Variants in PMFBP1 observed in about 807,000 individuals in gnomAD.
The protein encoded by PMFBP1 is polyamine-modulated factor 1-binding protein 1.
In PMFBP1, 131 loss-of-function variants were observed where a neutral mutation model predicts 137.8. The ratio of observed to expected loss-of-function variants is 0.95; its 90% CI spans 0.82 to 1.10. The LOEUF (loss-of-function observed/expected upper bound fraction) is 1.10. Ranked by LOEUF, PMFBP1 falls within the 50% of genes least tolerant of loss-of-function variation. The pLI, the probability that PMFBP1 is intolerant of heterozygous loss-of-function variation, is 0.00. For missense variants in PMFBP1, 1,199 were observed against 1,175.4 expected, an observed-to-expected ratio of 1.02 and a Z score of -0.29; for synonymous variants, 490 against 450.4, an observed-to-expected ratio of 1.09 and a Z score of -1.11.
the PMFBP1 span, among the ~76,000 whole-genome samples, chr16:72,232,823 G>T: frequency 6.6e-6 from 1 of 152,104 alleles, no homozygotes; most frequent in African/African-American, 2.4e-5. Context: ...CAGCAAACAT[G>T]CACTGAACAT....
the PMFBP1 span, among the ~76,000 whole-genome samples, chr16:72,211,498 C>T: frequency 6.6e-6 from 1 of 152,104 alleles, no homozygotes; most frequent in East Asian, 1.9e-4. Context: ...CATTTAAATA[C>T]AGTGACAGGC....
chr16:72,168,988 G>A (rs377132562), intron 2 of PMFBP1, among the ~76,000 whole-genome samples: 1 of 152,086 alleles, frequency 6.6e-6, no homozygotes, highest in East Asian at 1.9e-4. Context: ...TTCTTCTTGG[G>A]GGAAGCTAAT....
At chr16:72,151,822 C>T (rs2042906609) in intron 4 of PMFBP1, among the ~76,000 whole-genome samples, 1 of 152,144 alleles carries the variant, frequency 6.6e-6, no homozygotes, top group Admixed American at 6.5e-5. Context: ...AAGTTAACCC[C>T]ATTCCCACTG....
the PMFBP1 span, among the ~76,000 whole-genome samples, chr16:72,198,481 T>G: frequency 6.6e-6 from 1 of 152,238 alleles, no homozygotes; most frequent in Middle Eastern, 3.4e-3. Flanking sequence ...AGCTTCCCTC[T>G]CCCTGCTGGA....
At chr16:72,146,830 C>A (rs929532079) in intron 5 of PMFBP1, among the ~76,000 whole-genome samples, 1 of 152,050 alleles carries the variant, frequency 6.6e-6, no homozygotes, top group African/African-American at 2.4e-5. Context: ...ATGTGAAGGA[C>A]CTCTTCAAGG....
At chr16:72,163,501 G>A (rs1218649157) in intron 3 of PMFBP1, among the ~76,000 whole-genome samples, 2 of 152,370 alleles carry the variant, frequency 1.3e-5, no homozygotes, top group East Asian at 3.9e-4. Flanking sequence ...TGTAGGATCA[G>A]TGCTACTGAG....
At chr16:72,125,141 C>T (rs2042435326) in intron 16 of PMFBP1, 97 bp downstream of exon 16, 3 of 1,484,512 alleles carry the variant, frequency 2.0e-6, no homozygotes, top group South Asian at 1.3e-5. Flanking sequence ...ACCTAGCAGC[C>T]CAAGGGAATG....
intron 5 of PMFBP1, among the ~76,000 whole-genome samples, chr16:72,141,526 A>T (rs1402715795): frequency 1.1e-4 from 17 of 152,226 alleles, no homozygotes; most frequent in Non-Finnish European, 2.4e-4. Flanking sequence ...AATATAAATG[A>T]ATCTGTACAA....
the PMFBP1 span, among the ~76,000 whole-genome samples, chr16:72,185,187 C>G: frequency 2.5e-4 from 38 of 152,180 alleles, no homozygotes; most frequent in African/African-American, 7.7e-4. Context: ...TCAGGCTTGG[C>G]TAATTTTTGT....
At chr16:72,189,579 G>T in the PMFBP1 span, among the ~76,000 whole-genome samples, 1 of 152,160 alleles carries the variant, frequency 6.6e-6, no homozygotes, top group Non-Finnish European at 1.5e-5. Flanking sequence ...GATAAATTAC[G>T]GCAGAGTCCA....
At position 72,142,884 on chromosome 16, in the gene PMFBP1, A is replaced by G. The variant is rs1188928633; in HGVS notation, c.637-2302T>C. On this transcript the variant is annotated intron_variant, in intron 5 of 20. Transcript: ENST00000237353. The stretch of plus-strand genomic sequence containing the variant: ...TTAGGATGGCATAATCCAGACACCA[A>G]TATGCAAGGAAAGCACAAAAATTTA... Among the ~76,000 whole-genome samples the G allele has an allele frequency of 2.6e-5, 4 of 152,234 alleles. No homozygotes were observed. The East Asian group carries it at 5.8e-4, about 22-fold the overall frequency.
Position 72,138,834 on chromosome 16 carries a change from G to A in PMFBP1, c.918+455C>T, listed in dbSNP as rs149456261. Among the ~76,000 whole-genome samples the A allele has an allele frequency of 6.0e-4, 88 of 145,960 alleles. 1 individual carries two copies. The highest frequency in any genetic ancestry group is 1.9e-3 in the African/African-American group (75 of 38,906). Reference sequence around the variant, plus strand: ...CCTGGCCACTCAATTCTTGCTATTTGTTTACATGGTTTAACTGCTCATTTA... The same window carrying A: ...CCTGGCCACTCAATTCTTGCTATTTATTTACATGGTTTAACTGCTCATTTA... On this transcript the variant is annotated intron_variant, in intron 7 of 20. Transcript: ENST00000237353.
rs1597463049 is a variant in PMFBP1, at chr16:72,130,095, T to C, written c.1782+118A>G. The C allele has an allele frequency of 4.4e-6, 6 of 1,374,516 alleles. No individual in the cohort carries two copies. The East Asian group carries it at 1.4e-4, about 32-fold the overall frequency. The allele number at this position is 1,374,516 out of a possible 1,614,324, so 85.1% of individuals were successfully genotyped here. A position where few individuals can be genotyped will look rare whatever the true frequency, so the allele number is the denominator to read the frequency against. On this transcript the variant is annotated intron_variant, in intron 12 of 20. Coordinates refer to ENST00000237353, the MANE Select transcript of PMFBP1 (RefSeq NM_031293.3). ...GTCTGGAACCCCTGGGCTCAAGTGA[T>C]CTGCCTGCCTTGGCCTCGCAAAGAG...
In PMFBP1 at chr16:72,119,168, A is replaced by G; in HGVS notation, c.*170T>C. 1.4e-6 allele frequency: 1 copy of G among 699,008 alleles called. No homozygotes were observed. Among genetic ancestry groups the G allele is most frequent in the Non-Finnish European group, 2.4e-6 (1 of 408,964 alleles). The allele number at this position is 699,008 out of a possible 1,614,324, so 43.3% of individuals were successfully genotyped here. ...GTAGTATGGTTCTAAAGCTCACTCCATGGCAGGAAGTGGACAAAACTCAAC... is the reference window on the plus strand; with the variant it reads ...GTAGTATGGTTCTAAAGCTCACTCCGTGGCAGGAAGTGGACAAAACTCAAC... On this transcript the variant is annotated 3_prime_UTR_variant, in exon 21 of 21. Transcript: ENST00000237353.
chr16:72,129,261 A>G lies in PMFBP1; in HGVS notation c.1783-28T>C, dbSNP rs775444608. 1.9e-6 allele frequency: 3 copies of G among 1,593,878 alleles called. No individual in the cohort carries two copies. The African/African-American group carries it at 4.1e-5, about 22-fold the overall frequency. On this transcript the variant is annotated intron_variant, in intron 12 of 20. Coordinates refer to ENST00000237353, the MANE Select transcript of PMFBP1 (RefSeq NM_031293.3). ...GAAAAAATAAAGACTGAGCTGAAAG[A>G]CTGTCTTAGACTATATTATATTTGG...
At chr16:72,128,249 C>T (rs1597461612) in intron 14 of PMFBP1, 1 of 614,772 alleles carries the variant, frequency 1.6e-6, no homozygotes, top group Non-Finnish European at 2.4e-6. Flanking sequence ...ATGCTATTTA[C>T]TCCTTTCTGT....
the PMFBP1 span, among the ~76,000 whole-genome samples, chr16:72,219,376 G>C: frequency 6.6e-6 from 1 of 152,176 alleles, no homozygotes; most frequent in Non-Finnish European, 1.5e-5. Context: ...GTGTAGGTGA[G>C]AGATGGGTCT....
At position 72,150,687 on chromosome 16, in the gene PMFBP1, T is replaced by A. The variant is rs1240113565; in HGVS notation, c.557A>T (p.Gln186Leu). Residue 186 changes from glutamine (Q) to leucine (L), a missense_variant, in exon 5 of 21, where the codon CAG (glutamine) becomes CTG (leucine). By Grantham distance (113) the Gln-to-Leu change is moderately radical. Coordinates refer to ENST00000237353, the MANE Select transcript of PMFBP1 (RefSeq NM_031293.3). ...TAACTCGATGTTGCTCAGGGAAGAC[T>A]GGTATTTATCCCTGTAGAGGTTTAA... ...RSLNLYRDKY[Q>L]SSLSNIELLE... The A allele has an allele frequency of 6.2e-7, 1 of 1,614,158 alleles. No homozygotes were observed. The highest frequency in any genetic ancestry group is 8.5e-7 in the Non-Finnish European group (1 of 1,180,018).
At chr16:72,236,402 A>G in the PMFBP1 span, among the ~76,000 whole-genome samples, 1 of 152,228 alleles carries the variant, frequency 6.6e-6, no homozygotes, top group Non-Finnish European at 1.5e-5. Flanking sequence ...ACTACAAGAA[A>G]GAGAGAGCTC....
Sources: gnomAD v4.1 joint callset for allele counts (sites outside exome capture counted in the v4.1 genomes callset) on GRCh38, gnomAD v4.1.1 for gene constraint, MANE v1.5 for transcripts, NCBI Gene and HGNC (gene_info 2026-07-23, HGNC 2026-07-21) for gene names.